IMMP2L: variants seen among roughly 807,000 people sequenced by gnomAD.
IMMP2L encodes mitochondrial inner membrane protease subunit 2.
Under a neutral mutation model 19.3 loss-of-function variants are expected in IMMP2L, and 18 were observed. The ratio of observed to expected loss-of-function variants is 0.93; its 90% CI spans 0.64 to 1.38. IMMP2L has a LOEUF of 1.38. IMMP2L is among the 40% of genes most tolerant of loss of function. The pLI, the probability that IMMP2L is intolerant of heterozygous loss-of-function variation, is 0.00. For synonymous variants in IMMP2L, 76 were observed against 73.0 expected (o/e 1.04, Z -0.21); for missense variants, 233 against 218.2 (o/e 1.07, Z -0.43).
chr7:111,432,763 T>C lies in IMMP2L; in HGVS notation c.239+54475A>G, dbSNP rs560786326. On this transcript the variant is annotated intron_variant, in intron 3 of 5. Coordinates refer to ENST00000405709, the MANE Select transcript of IMMP2L (RefSeq NM_032549.4). ...TTCAAAGGCATCCAAATTGGATGCC[T>C]CTTCACTGATGATAAGATCTAGTAT... 7.9e-5 allele frequency among the ~76,000 whole-genome samples: 12 copies of C among 151,342 alleles called. No individual in the cohort carries two copies. The South Asian group carries it at 2.5e-3, about 32-fold the overall frequency.
chr7:110,945,626 T>C (rs1210716415), intron 4 of IMMP2L, among the ~76,000 whole-genome samples: 2 of 151,968 alleles, frequency 1.3e-5, no homozygotes, highest in Non-Finnish European at 2.9e-5. Flanking sequence ...AAAGTAATTA[T>C]TATAGAATTT....
chr7:111,375,583 T>C (rs1419491639), intron 3 of IMMP2L, among the ~76,000 whole-genome samples: 1 of 151,962 alleles, frequency 6.6e-6, no homozygotes, highest in East Asian at 1.9e-4. Context: ...TGGAGTGCAG[T>C]GGTGCCAACT....
At chr7:111,516,652 C>T (rs757905938) in intron 2 of IMMP2L, among the ~76,000 whole-genome samples, 1 of 152,076 alleles carries the variant, frequency 6.6e-6, no homozygotes, top group South Asian at 2.1e-4. Context: ...ATTTATCACT[C>T]ACCAACTGTT....
At chr7:111,010,240 A>T (rs568500688) in intron 3 of IMMP2L, among the ~76,000 whole-genome samples, 1 of 152,268 alleles carries the variant, frequency 6.6e-6, no homozygotes, top group African/African-American at 2.4e-5. Context: ...AAGACTTGCT[A>T]TTTAAAATAT....
intron 3 of IMMP2L, among the ~76,000 whole-genome samples, chr7:111,384,879 T>C (rs1831578281): frequency 6.6e-6 from 1 of 152,034 alleles, no homozygotes; most frequent in East Asian, 1.9e-4. Context: ...TTAGAATTTC[T>C]AACTTGATTA....
At chr7:111,445,416 A>G (rs887018381) in intron 3 of IMMP2L, among the ~76,000 whole-genome samples, 3 of 151,450 alleles carry the variant, frequency 2.0e-5, no homozygotes, top group South Asian at 2.1e-4. Flanking sequence ...ACACAAACAT[A>G]CATACATACA....
At chr7:111,442,480 G>C (rs142722765) in intron 3 of IMMP2L, among the ~76,000 whole-genome samples, 1 of 151,520 alleles carries the variant, frequency 6.6e-6, no homozygotes, top group Non-Finnish European at 1.5e-5. Flanking sequence ...ATGACCCTTT[G>C]CTCCCTATAT....
intron 3 of IMMP2L, among the ~76,000 whole-genome samples, chr7:111,446,745 G>A (rs181171550): frequency 2.0e-4 from 30 of 152,334 alleles, no homozygotes; most frequent in African/African-American, 5.3e-4. Context: ...CGCTTCAGAC[G>A]ATCAAATTAC....
chr7:110,782,812 A>G (rs1489952993), intron 5 of IMMP2L, among the ~76,000 whole-genome samples: 1 of 151,922 alleles, frequency 6.6e-6, no homozygotes, highest in Non-Finnish European at 1.5e-5. Flanking sequence ...TGGGTAAAGT[A>G]TGGGCATAGG....
chr7:111,377,692 T>C (rs1830810178), intron 3 of IMMP2L, among the ~76,000 whole-genome samples: 1 of 152,036 alleles, frequency 6.6e-6, no homozygotes, highest in Non-Finnish European at 1.5e-5. Flanking sequence ...TAATAAATCC[T>C]CTTCTTATTT....
At chr7:111,337,333 CAAT>C in intron 3 of IMMP2L, among the ~76,000 whole-genome samples, 1 of 152,008 alleles carries the variant, frequency 6.6e-6, no homozygotes, top group Non-Finnish European at 1.5e-5. Context: ...TAAGAATAGC[CAAT>C]AATAGAAATT....
chr7:111,144,913 A>G (rs535883912), intron 3 of IMMP2L, among the ~76,000 whole-genome samples: 2 of 152,148 alleles, frequency 1.3e-5, no homozygotes, highest in Non-Finnish European at 2.9e-5. Context: ...ATGAAAGCAA[A>G]ACATGAATAT....
At chr7:110,910,140 C>A (rs747716770) in intron 4 of IMMP2L, among the ~76,000 whole-genome samples, 1 of 152,110 alleles carries the variant, frequency 6.6e-6, no homozygotes, top group African/African-American at 2.4e-5. Context: ...AGGAACGATG[C>A]ATGCTAGGCT....
At chr7:110,965,792 T>C (rs1324040538) in intron 3 of IMMP2L, among the ~76,000 whole-genome samples, 1 of 152,004 alleles carries the variant, frequency 6.6e-6, no homozygotes, top group Admixed American at 6.6e-5. Flanking sequence ...GACAAAGATG[T>C]ACTACTAATA....
At chr7:110,698,960 A>G (rs1184472662) in intron 5 of IMMP2L, among the ~76,000 whole-genome samples, 1 of 152,202 alleles carries the variant, frequency 6.6e-6, no homozygotes, top group Non-Finnish European at 1.5e-5. Context: ...TCGTTTTTAT[A>G]GATTTCCAAT....
At chr7:111,104,320 A>T (rs1798303097) in intron 3 of IMMP2L, among the ~76,000 whole-genome samples, 1 of 151,774 alleles carries the variant, frequency 6.6e-6, no homozygotes, top group African/African-American at 2.4e-5. Flanking sequence ...TTACTTCTGT[A>T]ATCCACAGTT....
intron 3 of IMMP2L, among the ~76,000 whole-genome samples, chr7:111,016,656 A>G (rs997319294): frequency 8.5e-4 from 92 of 108,068 alleles, no homozygotes; most frequent in African/African-American, 3.4e-3. Context: ...GTGCATATAT[A>G]CATATATTAA....
intron 5 of IMMP2L, among the ~76,000 whole-genome samples, chr7:110,667,984 C>T (rs1791578624): frequency 6.6e-6 from 1 of 152,156 alleles, no homozygotes; most frequent in Admixed American, 6.5e-5. Flanking sequence ...CATACATATT[C>T]CTTTTTCCCT....
intron 3 of IMMP2L, among the ~76,000 whole-genome samples, chr7:111,029,696 T>C (rs1827205954): frequency 6.6e-6 from 1 of 152,166 alleles, no homozygotes; most frequent in South Asian, 2.1e-4. Context: ...GAAATGACTG[T>C]TATAGTTAGA....
Sources: allele counts gnomAD v4.1 joint callset (sites outside exome capture counted in the v4.1 genomes callset), GRCh38; gene constraint gnomAD v4.1.1; transcripts MANE v1.5; gene names NCBI Gene and HGNC (gene_info 2026-07-23, HGNC 2026-07-21).